Variants in CHODL observed in about 807,000 individuals in gnomAD.
CHODL encodes the protein chondrolectin.
A neutral mutation model predicts 34.5 loss-of-function variants in CHODL; 29 were observed. The ratio of observed to expected loss-of-function variants is 0.84; its 90% CI spans 0.63 to 1.15. CHODL has a LOEUF of 1.15. Among genes scored for constraint, CHODL ranks in the 50% most tolerant of loss-of-function variants. CHODL has a pLI of 0.00. For missense variants in CHODL, 332 were observed against 332.5 expected, an observed-to-expected ratio of 1.00 and a Z score of 0.01; for synonymous variants, 125 against 116.1, an observed-to-expected ratio of 1.08 and a Z score of -0.49.
intron 2 of CHODL, among the ~76,000 whole-genome samples, chr21:18,133,624 A>G (rs2072684572): frequency 6.6e-6 from 1 of 152,180 alleles, no homozygotes; most frequent in Non-Finnish European, 1.5e-5. Context: ...GATAATAAAG[A>G]TAATATCTGC....
intron 2 of CHODL, among the ~76,000 whole-genome samples, chr21:18,214,211 G>T (rs1185588782): frequency 6.6e-6 from 1 of 151,916 alleles, no homozygotes; most frequent in Non-Finnish European, 1.5e-5. Context: ...ACCTTCATAA[G>T]TCTTATTTAT....
intron 2 of CHODL, among the ~76,000 whole-genome samples, chr21:18,035,091 T>C (rs1041796818): frequency 6.6e-6 from 1 of 152,022 alleles, no homozygotes; most frequent in African/African-American, 2.4e-5. Flanking sequence ...AGCAGAAGAT[T>C]GAAAAATCTG....
At chr21:17,929,003 T>C (rs2063249765) in intron 1 of CHODL, among the ~76,000 whole-genome samples, 1 of 152,188 alleles carries the variant, frequency 6.6e-6, no homozygotes, top group Admixed American at 6.5e-5. Flanking sequence ...CCATTGGTGG[T>C]ACATTTTTAT....
intron 2 of CHODL, among the ~76,000 whole-genome samples, chr21:18,181,227 T>C (rs2073377592): frequency 6.6e-6 from 1 of 152,224 alleles, no homozygotes; most frequent in Non-Finnish European, 1.5e-5. Context: ...TCATACATTA[T>C]CACATTGTGA....
intron 2 of CHODL, among the ~76,000 whole-genome samples, chr21:18,157,771 T>G (rs1291816168): frequency 6.6e-6 from 1 of 152,220 alleles, no homozygotes; most frequent in Non-Finnish European, 1.5e-5. Flanking sequence ...TTGCTAAATT[T>G]TGGGATAGAT....
intron 1 of CHODL, among the ~76,000 whole-genome samples, chr21:18,012,551 A>AAT (rs2064029183): frequency 6.6e-6 from 1 of 152,216 alleles, no homozygotes; most frequent in African/African-American, 2.4e-5. Flanking sequence ...CATGTGAGTA[A>AAT]ATGGAGGCCC....
chr21:18,157,783 A>T (rs1365409293), intron 2 of CHODL, among the ~76,000 whole-genome samples: 2 of 152,240 alleles, frequency 1.3e-5, no homozygotes, highest in Admixed American at 1.3e-4. Context: ...GGGATAGATT[A>T]TACAACTCTA....
At chr21:17,943,978 A>G (rs2063385841) in intron 1 of CHODL, among the ~76,000 whole-genome samples, 1 of 152,228 alleles carries the variant, frequency 6.6e-6, no homozygotes, top group South Asian at 2.1e-4. Flanking sequence ...TGTTCCTGCC[A>G]ACTGAAGCAC....
chr21:18,114,969 T>C (rs988263522), intron 2 of CHODL: 1 of 152,244 alleles, frequency 6.6e-6, no homozygotes, highest in African/African-American at 2.4e-5. Context: ...AGCAGAAGAA[T>C]TGCCAGACTT....
chr21:18,144,792 C>T (rs568730453), intron 2 of CHODL, among the ~76,000 whole-genome samples: 12 of 150,904 alleles, frequency 8.0e-5, no homozygotes, highest in East Asian at 7.8e-4. Flanking sequence ...TTCAGGAGGG[C>T]GGGGCAAGTG....
chr21:18,165,797 A>G (rs1195201902), intron 2 of CHODL, among the ~76,000 whole-genome samples: 7 of 152,316 alleles, frequency 4.6e-5, no homozygotes, highest in Admixed American at 4.6e-4. Context: ...AAAGTCCTAG[A>G]CAAGTGTATT....
chr21:18,072,197 A>G (rs925559112), intron 2 of CHODL, among the ~76,000 whole-genome samples: 1 of 131,178 alleles, frequency 7.6e-6, no homozygotes, highest in Non-Finnish European at 1.6e-5. Flanking sequence ...TTCTAAAACT[A>G]TTAATAGTAA....
chr21:18,012,301 C>A (rs1296039708), intron 1 of CHODL, among the ~76,000 whole-genome samples: 1 of 152,168 alleles, frequency 6.6e-6, no homozygotes, highest in African/African-American at 2.4e-5. Context: ...TGTCCTCTGT[C>A]TTTACTTTTA....
chr21:18,254,415 A>G (rs1425104443), intron 1 of CHODL, among the ~76,000 whole-genome samples: 1 of 152,170 alleles, frequency 6.6e-6, no homozygotes, highest in Non-Finnish European at 1.5e-5. Flanking sequence ...CTCAGAAAGT[A>G]GAAGAGGCTA....
intron 1 of CHODL, among the ~76,000 whole-genome samples, chr21:17,972,300 G>C (rs560222959): frequency 1.1e-4 from 16 of 152,222 alleles, no homozygotes; most frequent in African/African-American, 3.9e-4. Flanking sequence ...AGGGCAATCA[G>C]GCAAGAGAAA....
intron 1 of CHODL, among the ~76,000 whole-genome samples, chr21:17,983,912 T>TGG (rs61591273): frequency 4.7e-5 from 7 of 149,604 alleles, no homozygotes; most frequent in African/African-American, 1.7e-4. Flanking sequence ...AGTGTGTGTG[T>TGG]GGGGGGGGTG....
chr21:18,106,280 C>T (rs1323026020), intron 2 of CHODL, among the ~76,000 whole-genome samples: 1 of 151,916 alleles, frequency 6.6e-6, no homozygotes, highest in Admixed American at 6.6e-5. Context: ...CCCCAGAGCC[C>T]TTGAATAAAA....
intron 1 of CHODL, among the ~76,000 whole-genome samples, chr21:17,988,180 C>A (rs901332111): frequency 2.6e-5 from 4 of 152,072 alleles, no homozygotes; most frequent in Non-Finnish European, 5.9e-5. Context: ...CATGTGAAGC[C>A]ATGAGAAAAA....
intron 1 of CHODL, among the ~76,000 whole-genome samples, chr21:17,965,231 G>A (rs1401394461): frequency 6.6e-6 from 1 of 152,048 alleles, no homozygotes; most frequent in African/African-American, 2.4e-5. Context: ...AACTTAGAAT[G>A]GAGAATCTTA....
Sources: allele counts gnomAD v4.1 joint callset (sites outside exome capture counted in the v4.1 genomes callset), GRCh38; gene constraint gnomAD v4.1.1; transcripts MANE v1.5; gene names NCBI Gene and HGNC (gene_info 2026-07-23, HGNC 2026-07-21).